The following BTBD9 variants were observed in gnomAD, a reference collection of about 807,000 sequenced individuals.
BTBD9 encodes BTB/POZ domain-containing protein 9.
Under a neutral mutation model 64.3 loss-of-function variants are expected in BTBD9, and 49 were observed. That is an observed-to-expected ratio of 0.76 (90% confidence interval 0.61 to 0.97). The LOEUF (loss-of-function observed/expected upper bound fraction) is 0.97, where lower values mean the gene tolerates loss of function less well. BTBD9 is among the 50% of genes least tolerant of loss of function. The pLI is 0.00. For synonymous variants in BTBD9, 260 were observed against 274.7 expected, an observed-to-expected ratio of 0.95 and a Z score of 0.53; for missense variants, 598 against 762.1, an observed-to-expected ratio of 0.78 and a Z score of 2.53.
intron 6 of BTBD9, among the ~76,000 whole-genome samples, chr6:38,431,990 T>C (rs1266759673): frequency 6.6e-6 from 1 of 151,854 alleles, no homozygotes; most frequent in Non-Finnish European, 1.5e-5. Flanking sequence ...GGTGAGGCCT[T>C]TAAGAGGTGA....
intron 6 of BTBD9, among the ~76,000 whole-genome samples, chr6:38,363,460 T>C (rs7766509): frequency 0.66 from 100,422 of 152,088 alleles, 34,111 homozygotes; most frequent in East Asian, 0.96. Context: ...ACACCTGTAG[T>C]CTCAGATACT....
In BTBD9 at chr6:38,590,386, A is replaced by C. The variant is rs1471795444; in HGVS notation, c.814+2190T>G. 2.0e-5 allele frequency among the ~76,000 whole-genome samples: 3 copies of C among 152,338 alleles called. No individual in the cohort carries two copies. In the South Asian group the frequency reaches 6.2e-4, roughly 32 times the overall value. On this transcript the variant is annotated intron_variant, in intron 4 of 10. Transcript: ENST00000481247. ...AAAATTCCTTAAATAATTTAATACC[A>C]GATTGTACAACTAGTAAGTGACTAA...
At chr6:38,569,552 T>C (rs942475377) in intron 6 of BTBD9, among the ~76,000 whole-genome samples, 13 of 152,186 alleles carry the variant, frequency 8.5e-5, no homozygotes, top group African/African-American at 3.1e-4. Flanking sequence ...TTAATGTTAG[T>C]AACATCATCT....
At chr6:38,376,765 G>C (rs781359717) in intron 6 of BTBD9, among the ~76,000 whole-genome samples, 4 of 152,052 alleles carry the variant, frequency 2.6e-5, no homozygotes, top group Non-Finnish European at 5.9e-5. Flanking sequence ...AAATACTCTG[G>C]GTACTCAAGA....
chr6:38,433,246 T>C (rs1768521032), intron 6 of BTBD9, among the ~76,000 whole-genome samples: 1 of 151,960 alleles, frequency 6.6e-6, no homozygotes, highest in Non-Finnish European at 1.5e-5. Context: ...TTCATGTCAG[T>C]TAAGATTCAG....
At chr6:38,258,893 A>C (rs1764701262) in intron 8 of BTBD9, among the ~76,000 whole-genome samples, 1 of 152,178 alleles carries the variant, frequency 6.6e-6, no homozygotes, top group Non-Finnish European at 1.5e-5. Flanking sequence ...CTGTCTCAAA[A>C]AAACAAAAAA....
intron 8 of BTBD9, among the ~76,000 whole-genome samples, chr6:38,280,201 C>G (rs757280585): frequency 7.2e-5 from 11 of 152,184 alleles, no homozygotes; most frequent in Non-Finnish European, 1.6e-4. Context: ...TTCCAGGATC[C>G]AGGATTTCTG....
intron 6 of BTBD9, among the ~76,000 whole-genome samples, chr6:38,374,307 G>GTATATATATATATATATATATGTA (rs1326025092): frequency 6.8e-5 from 4 of 59,086 alleles, no homozygotes; most frequent in African/African-American, 7.9e-5. Flanking sequence ...GTATATATAT[G>GTATATATATATATATATATATGTA]TATATATATA....
chr6:38,396,904 T>C (rs968485810), intron 6 of BTBD9, among the ~76,000 whole-genome samples: 49 of 143,154 alleles, frequency 3.4e-4, no homozygotes, highest in Non-Finnish European at 5.0e-4. Context: ...TTTCTTTTTT[T>C]TTTTTTTTTT....
chr6:38,636,833 TAAG>T (rs1778543058), intron 1 of BTBD9, among the ~76,000 whole-genome samples: 1 of 152,110 alleles, frequency 6.6e-6, no homozygotes, highest in African/African-American at 2.4e-5. Flanking sequence ...CCCCATGCAA[TAAG>T]AAGTGATTAG....
chr6:38,545,182 C>T (rs1774476661), intron 6 of BTBD9, among the ~76,000 whole-genome samples: 1 of 151,876 alleles, frequency 6.6e-6, no homozygotes, highest in Non-Finnish European at 1.5e-5. Context: ...ACCTCCGCCT[C>T]CCGGGTTCAA....
intron 1 of BTBD9, among the ~76,000 whole-genome samples, chr6:38,631,790 C>T (rs1739626): frequency 2.0e-5 from 3 of 152,110 alleles, no homozygotes; most frequent in South Asian, 2.1e-4. Context: ...TACCCAGCTA[C>T]GCTGGTTCTG....
intron 6 of BTBD9, among the ~76,000 whole-genome samples, chr6:38,565,361 T>C (rs980205734): frequency 3.3e-5 from 5 of 152,154 alleles, no homozygotes; most frequent in African/African-American, 9.7e-5. Context: ...ATACCAGTAG[T>C]ATGCAACCCC....
chr6:38,497,434 G>A (rs543318664), intron 6 of BTBD9, among the ~76,000 whole-genome samples: 24 of 152,222 alleles, frequency 1.6e-4, no homozygotes, highest in African/African-American at 5.5e-4. Flanking sequence ...CACAAAAGAT[G>A]CAACATTCAG....
intron 1 of BTBD9, among the ~76,000 whole-genome samples, chr6:38,628,035 T>C (rs987369120): frequency 1.3e-5 from 2 of 152,136 alleles, no homozygotes; most frequent in Non-Finnish European, 2.9e-5. Flanking sequence ...TTGTGAGGCA[T>C]GCGCAAAAAG....
chr6:38,483,817 G>C (rs1482533049), intron 6 of BTBD9, among the ~76,000 whole-genome samples: 2 of 152,102 alleles, frequency 1.3e-5, no homozygotes, highest in East Asian at 3.8e-4. Context: ...TCAAGTTTTG[G>C]CTCAACTCAC....
At chr6:38,243,967 C>T (rs999563305) in intron 9 of BTBD9, among the ~76,000 whole-genome samples, 1 of 152,102 alleles carries the variant, frequency 6.6e-6, no homozygotes, top group African/African-American at 2.4e-5. Context: ...GGTATAATTA[C>T]CAAAACAGAG....
chr6:38,480,975 T>C (rs1330269191), intron 6 of BTBD9, among the ~76,000 whole-genome samples: 1 of 152,218 alleles, frequency 6.6e-6, no homozygotes, highest in Non-Finnish European at 1.5e-5. Context: ...AATTCCCTTC[T>C]TTTAAAAATG....
intron 4 of BTBD9, among the ~76,000 whole-genome samples, chr6:38,585,189 G>A (rs141280990): frequency 6.6e-6 from 1 of 152,292 alleles, no homozygotes; most frequent in Admixed American, 6.5e-5. Flanking sequence ...ACTCATTAGA[G>A]ATGATTTATA....
Sources: gnomAD v4.1 joint callset for allele counts (sites outside exome capture counted in the v4.1 genomes callset) on GRCh38, gnomAD v4.1.1 for gene constraint, MANE v1.5 for transcripts, NCBI Gene and HGNC (gene_info 2026-07-23, HGNC 2026-07-21) for gene names.